ATL1: variants seen among roughly 807,000 people sequenced by gnomAD.
ATL1 encodes atlastin GTPase 1.
Under a neutral mutation model 75.5 loss-of-function variants are expected in ATL1, and 31 were observed. That is an observed-to-expected ratio of 0.41 (90% CI 0.31 to 0.55). The LOEUF (loss-of-function observed/expected upper bound fraction) is 0.55, where lower values mean the gene tolerates loss of function less well. Ranked by LOEUF, ATL1 falls within the 20% of genes least tolerant of loss-of-function variation. The pLI is 0.27. For synonymous variants in ATL1, 226 were observed against 233.3 expected (o/e 0.97, Z 0.28); for missense variants, 405 against 662.6 (o/e 0.61, Z 4.27).
intron 1 of ATL1, among the ~76,000 whole-genome samples, chr14:50,543,093 T>G (rs891387716): frequency 1.3e-5 from 2 of 152,216 alleles, no homozygotes; most frequent in African/African-American, 4.8e-5. Flanking sequence ...TACAAGAAGA[T>G]CTGTTCTCCA....
At position 50,537,298 on chromosome 14, in the gene ATL1, G is replaced by T. The variant is rs142073888; in HGVS notation, c.-140+3931G>T. 3.4e-3 allele frequency among the ~76,000 whole-genome samples: 512 copies of T among 152,348 alleles called. 3 individuals are homozygous for T. The highest frequency in any genetic ancestry group is 3.6e-3 in the Non-Finnish European group (248 of 68,032). On this transcript the variant is annotated intron_variant, in intron 1 of 13. Transcript: ENST00000441560. ...GAGCCTTCTAGTACACAGAAGTCAA[G>T]AATTGAGGTTTGGGAATCTTTGCCT...
chr14:50,560,431 G>T (rs1002197713), intron 1 of ATL1, 132 bp downstream of exon 1: 2 of 1,226,016 alleles, frequency 1.6e-6, no homozygotes, highest in Admixed American at 4.1e-5. Flanking sequence ...GGCCGTAGCC[G>T]AGCCGCTCCC....
intron 1 of ATL1, among the ~76,000 whole-genome samples, chr14:50,564,647 C>CAAAAAAAAAAAAAAAAAAA (rs60054322): frequency 2.2e-4 from 9 of 40,004 alleles, no homozygotes; most frequent in African/African-American, 7.7e-4. Flanking sequence ...GATTCCGTCT[C>CAAAAAAAAAAAAAAAAAAA]AAAAAAAAAA....
At chr14:50,587,031 C>T (rs1283601577) in intron 1 of ATL1, among the ~76,000 whole-genome samples, 3 of 152,136 alleles carry the variant, frequency 2.0e-5, no homozygotes, top group Non-Finnish European at 4.4e-5. Context: ...ACATCTTTGG[C>T]TTTAATTTCC....
intron 6 of ATL1, among the ~76,000 whole-genome samples, chr14:50,595,884 GC>G (rs1267959958): frequency 7.5e-6 from 1 of 132,476 alleles, no homozygotes; most frequent in Non-Finnish European, 1.5e-5. Context: ...CAAAATGTCA[GC>G]TTTTTTTTTT....
chr14:50,559,967 G>T, upstream of ATL1: 3 of 480,108 alleles, frequency 6.2e-6, no homozygotes, highest in Non-Finnish European at 1.1e-5. Flanking sequence ...GTTTTCCGTT[G>T]AAAATGTTGC....
At chr14:50,624,415 A>C (rs1017526736) in intron 11 of ATL1, among the ~76,000 whole-genome samples, 17 of 152,022 alleles carry the variant, frequency 1.1e-4, no homozygotes, top group Admixed American at 3.3e-4. Context: ...TGCTGATGTT[A>C]CTATTGTAAT....
chr14:50,556,802 A>G (rs2038770827), upstream of ATL1, among the ~76,000 whole-genome samples: 1 of 152,228 alleles, frequency 6.6e-6, no homozygotes, highest in African/African-American at 2.4e-5. Context: ...AGGTCCATCC[A>G]TGTTGTACCA....
At chr14:50,575,982 G>A (rs1351138829) in intron 1 of ATL1, among the ~76,000 whole-genome samples, 1 of 152,090 alleles carries the variant, frequency 6.6e-6, no homozygotes, top group East Asian at 1.9e-4. Context: ...TGTATAAAAA[G>A]GTGAAATGAT....
intron 13 of ATL1, chr14:50,631,033 C>T (rs1046891092): frequency 1.3e-5 from 6 of 445,018 alleles, no homozygotes; most frequent in Admixed American, 2.5e-5. Flanking sequence ...CTGAGGTGGG[C>T]GGATCACGTT....
Position 50,564,068 on chromosome 14 carries a change from T to C in ATL1, c.34+3769T>C, listed in dbSNP as rs1004374306. Among the ~76,000 whole-genome samples the C allele has an allele frequency of 7.2e-5, 11 of 152,284 alleles. No homozygotes were observed. The South Asian group carries it at 8.3e-4, about 11-fold the overall frequency. ...ACAAGCTTATCTAGGATTAAGCTGATATAAGAAATCAATGCTGTATAAATT... is the reference window on the plus strand; with the variant it reads ...ACAAGCTTATCTAGGATTAAGCTGACATAAGAAATCAATGCTGTATAAATT... On this transcript the variant is annotated intron_variant, in intron 1 of 13. Coordinates refer to ENST00000358385, the MANE Select transcript of ATL1 (RefSeq NM_015915.5).
At chr14:50,550,696 T>C (rs1041994533) in intron 1 of ATL1, among the ~76,000 whole-genome samples, 3 of 152,302 alleles carry the variant, frequency 2.0e-5, no homozygotes, top group South Asian at 2.1e-4. Flanking sequence ...TTATATCAAG[T>C]ATCTTCTCAG....
At chr14:50,540,357 T>C (rs1236818250) in intron 1 of ATL1, among the ~76,000 whole-genome samples, 2 of 152,182 alleles carry the variant, frequency 1.3e-5, no homozygotes, top group African/African-American at 4.8e-5. Flanking sequence ...CTGAAATCTC[T>C]GTAACAGAGA....
chr14:50,618,944 G>T (rs983422352), intron 8 of ATL1, among the ~76,000 whole-genome samples: 2 of 151,908 alleles, frequency 1.3e-5, no homozygotes, highest in African/African-American at 2.4e-5. Flanking sequence ...AGGCTGGAGT[G>T]CAGTGGCACA....
At chr14:50,565,066 CA>C (rs2038889825) in intron 1 of ATL1, among the ~76,000 whole-genome samples, 1 of 152,038 alleles carries the variant, frequency 6.6e-6, no homozygotes, top group South Asian at 2.1e-4. Flanking sequence ...GTGGGCAGAT[CA>C]CCTGAGGTCA....
At chr14:50,585,392 ATAT>A (rs774488884) in intron 1 of ATL1, among the ~76,000 whole-genome samples, 28 of 152,290 alleles carry the variant, frequency 1.8e-4, no homozygotes, top group Admixed American at 7.8e-4. Context: ...TCTATCCAAA[ATAT>A]TATGTCTAGC....
chr14:50,601,429 A>C (rs1821855900), intron 6 of ATL1, among the ~76,000 whole-genome samples: 1 of 152,222 alleles, frequency 6.6e-6, no homozygotes, highest in African/African-American at 2.4e-5. Flanking sequence ...GTGTGCTGGC[A>C]AAATGTTTAA....
At chr14:50,567,699 A>G (rs1476114182) in intron 1 of ATL1, among the ~76,000 whole-genome samples, 1 of 152,220 alleles carries the variant, frequency 6.6e-6, no homozygotes, top group Non-Finnish European at 1.5e-5. Context: ...AGTTTTGATT[A>G]GCAATTAATA....
At chr14:50,610,201 A>G (rs1416448931) in intron 6 of ATL1, among the ~76,000 whole-genome samples, 1 of 152,130 alleles carries the variant, frequency 6.6e-6, no homozygotes, top group East Asian at 1.9e-4. Flanking sequence ...TAAAACTTGA[A>G]TCTTCATACT....
Sources: gnomAD v4.1 joint callset for allele counts (sites outside exome capture counted in the v4.1 genomes callset) on GRCh38, gnomAD v4.1.1 for gene constraint, MANE v1.5 for transcripts, NCBI Gene and HGNC (gene_info 2026-07-23, HGNC 2026-07-21) for gene names.